The following CCDC69 variants were observed in gnomAD, a reference collection of about 807,000 sequenced individuals.
The protein encoded by CCDC69 is coiled-coil domain-containing protein 69.
In CCDC69, 38 loss-of-function variants were observed where a neutral mutation model predicts 40.3. The ratio of observed to expected loss-of-function variants is 0.94; its 90% CI spans 0.73 to 1.24. The LOEUF is 1.24. CCDC69 is among the 50% of genes most tolerant of loss of function. The pLI, the probability that CCDC69 is intolerant of heterozygous loss-of-function variation, is 0.00. For synonymous variants in CCDC69, 141 were observed against 138.9 expected (o/e 1.02, Z -0.11); for missense variants, 389 against 357.9 (o/e 1.09, Z -0.70).
At position 151,211,420 on chromosome 5, in the gene CCDC69, T is replaced by C. The variant is rs142225836; in HGVS notation, c.49-5945A>G. On this transcript the variant is annotated intron_variant, in intron 1 of 8. Coordinates refer to ENST00000355417, the MANE Select transcript of CCDC69 (RefSeq NM_015621.3). ...CAGTATTTCTTAGGAATGTGGTCTA[T>C]GGACCTCCTGTACTAGAGCCACCTG... 3.5e-4 allele frequency among the ~76,000 whole-genome samples: 53 copies of C among 152,276 alleles called. 1 individual carries two copies. The highest frequency in any genetic ancestry group is 1.3e-3 in the African/African-American group (52 of 41,544).
intron 8 of CCDC69, 61 bp from the exon 9 acceptor site, chr5:151,183,675 C>T: frequency 2.0e-6 from 3 of 1,478,712 alleles, no homozygotes; most frequent in Non-Finnish European, 2.7e-6. Flanking sequence ...GAGACCAACC[C>T]ATTCCCCCAG....
In CCDC69 at chr5:151,205,392, C is replaced by T. The variant is rs1338693649; in HGVS notation, c.124+8G>A. The T allele has an allele frequency of 3.7e-6, 6 of 1,612,088 alleles. No homozygotes were observed. Among genetic ancestry groups the T allele is most frequent in the African/African-American group, 1.3e-5 (1 of 74,876 alleles). ...GCAGTTGGGGCCTTTGTGGGGCTGGCTACTCACCTGTGTCCCCATTGAGGG... is the reference window on the plus strand; with the variant it reads ...GCAGTTGGGGCCTTTGTGGGGCTGGTTACTCACCTGTGTCCCCATTGAGGG... On this transcript the variant is annotated splice_region_variant and intron_variant, in intron 2 of 8. Coordinates refer to ENST00000355417, the MANE Select transcript of CCDC69 (RefSeq NM_015621.3).
chr5:151,186,368 G>A (rs1298573382), intron 5 of CCDC69, among the ~76,000 whole-genome samples: 4 of 147,730 alleles, frequency 2.7e-5, no homozygotes, highest in Admixed American at 6.8e-5. Flanking sequence ...AAAAGAAGAC[G>A]GGAGGGGAGG....
At chr5:151,209,665 C>A (rs866163427) in intron 1 of CCDC69, among the ~76,000 whole-genome samples, 2 of 152,026 alleles carry the variant, frequency 1.3e-5, no homozygotes, top group African/African-American at 2.4e-5. Context: ...CTGCAACCTC[C>A]GCCTCCCAGG....
At chr5:151,218,044 C>T (rs1753074965) in intron 1 of CCDC69, among the ~76,000 whole-genome samples, 1 of 152,108 alleles carries the variant, frequency 6.6e-6, no homozygotes, top group African/African-American at 2.4e-5. Flanking sequence ...GACTGCATAT[C>T]ACTTGTCTTG....
intron 1 of CCDC69, among the ~76,000 whole-genome samples, chr5:151,209,979 G>A (rs1344430018): frequency 1.3e-5 from 2 of 152,132 alleles, no homozygotes; most frequent in Non-Finnish European, 2.9e-5. Flanking sequence ...TGAAAATATA[G>A]AAAGAAAATC....
At chr5:151,222,474 T>C (rs1342493571) in intron 1 of CCDC69, among the ~76,000 whole-genome samples, 1 of 152,190 alleles carries the variant, frequency 6.6e-6, no homozygotes, top group African/African-American at 2.4e-5. Flanking sequence ...AGCTACAAGG[T>C]TGACACAGGT....
chr5:151,207,287 G>GATT (rs1344007818), intron 1 of CCDC69, among the ~76,000 whole-genome samples: 82 of 150,768 alleles, frequency 5.4e-4, no homozygotes, highest in South Asian at 2.3e-3. Context: ...ACTATTTGTA[G>GATT]ATTATTATTA....
intron 3 of CCDC69, 129 bp from the exon 4 acceptor site, chr5:151,199,213 G>C: frequency 1.3e-6 from 1 of 743,368 alleles, no homozygotes; most frequent in Non-Finnish European, 2.4e-6. Flanking sequence ...GGATGGGAAT[G>C]ACACGCCCAG....
At position 151,189,330 on chromosome 5, in the gene CCDC69, A is replaced by G. The variant is rs116314442; in HGVS notation, c.320-1871T>C. On this transcript the variant is annotated intron_variant, in intron 4 of 8. Transcript: ENST00000355417. ...AGGAAATTTTAGAACTAAAAAGTATAATAAGTGAAATAAAAACTCACTAGG... is the reference window on the plus strand; with the variant it reads ...AGGAAATTTTAGAACTAAAAAGTATGATAAGTGAAATAAAAACTCACTAGG... Among the ~76,000 whole-genome samples the G allele has an allele frequency of 9.9e-3, 1,481 of 150,270 alleles. 24 individuals are homozygous for G. Among genetic ancestry groups the G allele is most frequent in the African/African-American group, 0.036 (1,420 of 39,634 alleles).
Position 151,224,086 on chromosome 5 carries a change from T to C in CCDC69, c.-116A>G, listed in dbSNP as rs1248585489. ...CCGGCTGGGGCTGCCGGCGAGACCCTGAAACTGAACCTGGAAGCGCTGTCT... is the reference window on the plus strand; with the variant it reads ...CCGGCTGGGGCTGCCGGCGAGACCCCGAAACTGAACCTGGAAGCGCTGTCT... On this transcript the variant is annotated 5_prime_UTR_variant, in exon 1 of 9. Transcript: ENST00000355417. 2.2e-6 allele frequency: 2 copies of C among 905,966 alleles called. No homozygotes were observed. Among genetic ancestry groups the C allele is most frequent in the Non-Finnish European group, 3.2e-6 (2 of 631,976 alleles). The allele number at this position is 905,966 out of a possible 1,614,324, so 56.1% of individuals were successfully genotyped here. A position where few individuals can be genotyped will look rare whatever the true frequency, so the allele number is the denominator to read the frequency against.
chr5:151,207,621 A>C lies in CCDC69; in HGVS notation c.49-2146T>G, dbSNP rs115186263. ...ATTTATAGATTATTACTATCATTATATAAAATAAAGGACATTTTAGTCTTC... is the reference window on the plus strand; with the variant it reads ...ATTTATAGATTATTACTATCATTATCTAAAATAAAGGACATTTTAGTCTTC... On this transcript the variant is annotated intron_variant, in intron 1 of 8. Coordinates refer to ENST00000355417, the MANE Select transcript of CCDC69 (RefSeq NM_015621.3). 7.3e-3 allele frequency among the ~76,000 whole-genome samples: 1,112 copies of C among 152,288 alleles called. 6 individuals are homozygous for C. The highest frequency in any genetic ancestry group is 0.026 in the African/African-American group (1,070 of 41,544).
chr5:151,196,151 GTTGTT>G (rs1401804459), intron 4 of CCDC69, among the ~76,000 whole-genome samples: 3 of 152,080 alleles, frequency 2.0e-5, no homozygotes, highest in African/African-American at 7.2e-5. Context: ...CATGTGTTTT[GTTGTT>G]TTGTTTTGTT....
chr5:151,213,241 ATTATTTT>A (rs757353141), intron 1 of CCDC69, among the ~76,000 whole-genome samples: 23 of 151,944 alleles, frequency 1.5e-4, no homozygotes, highest in Non-Finnish European at 2.2e-4. Context: ...CTTCCCTCAA[ATTATTTT>A]TTATTTTTTA....
intron 1 of CCDC69, among the ~76,000 whole-genome samples, chr5:151,219,120 T>A (rs371229674): frequency 2.6e-5 from 4 of 152,122 alleles, no homozygotes; most frequent in Admixed American, 2.6e-4. Context: ...CATGCCAACA[T>A]CTCCATGATG....
intron 4 of CCDC69, among the ~76,000 whole-genome samples, chr5:151,190,282 G>A (rs1752589278): frequency 6.6e-6 from 1 of 152,214 alleles, no homozygotes; most frequent in Non-Finnish European, 1.5e-5. Context: ...GTATGTAGAT[G>A]TAATACATGA....
At chr5:151,216,405 G>GGTTTTTTTTT (rs1561605577) in intron 1 of CCDC69, among the ~76,000 whole-genome samples, 1 of 146,854 alleles carries the variant, frequency 6.8e-6, no homozygotes, top group African/African-American at 2.6e-5. Flanking sequence ...AAATTATTAG[G>GGTTTTTTTTT]ATTTTTTTTT....
At chr5:151,190,116 G>GGAAACTT (rs1299777443) in intron 4 of CCDC69, among the ~76,000 whole-genome samples, 6 of 152,132 alleles carry the variant, frequency 3.9e-5, no homozygotes, top group Non-Finnish European at 7.3e-5. Context: ...GAAACCAGAG[G>GGAAACTT]GAAACTTGAA....
At chr5:151,219,182 A>C (rs1435407303) in intron 1 of CCDC69, among the ~76,000 whole-genome samples, 1 of 152,160 alleles carries the variant, frequency 6.6e-6, no homozygotes, top group African/African-American at 2.4e-5. Flanking sequence ...CACGCTCCTC[A>C]ACTGTCCTGC....
Sources: gnomAD v4.1 joint callset for allele counts (sites outside exome capture counted in the v4.1 genomes callset) on GRCh38, gnomAD v4.1.1 for gene constraint, MANE v1.5 for transcripts, NCBI Gene and HGNC (gene_info 2026-07-23, HGNC 2026-07-21) for gene names.